The following AP2A1 variants were observed in gnomAD, a reference collection of about 807,000 sequenced individuals.
The protein encoded by AP2A1 is AP-2 complex subunit alpha-1.
A neutral mutation model predicts 107.3 loss-of-function variants in AP2A1; 21 were observed. The ratio of observed to expected loss-of-function variants is 0.20; its 90% CI spans 0.14 to 0.28. The LOEUF (loss-of-function observed/expected upper bound fraction) is 0.28. AP2A1 is among the 10% of genes least tolerant of loss of function. The probability of loss-of-function intolerance (pLI) is 1.00; values close to 1 mark genes in which losing one functional copy is unlikely to be tolerated. For missense variants in AP2A1, 873 were observed against 1,307.7 expected, an observed-to-expected ratio of 0.67 and a Z score of 5.13; for synonymous variants, 602 against 564.8, an observed-to-expected ratio of 1.07 and a Z score of -0.93.
chr19:49,802,097 C>T lies in AP2A1; in HGVS notation c.2070C>T (p.Ala690=), dbSNP rs369688541. Residue 690 remains alanine, a synonymous_variant, in exon 15 of 23, where the codon GCC becomes GCT. Transcript: ENST00000354293. The part of the protein sequence containing the change: ...NLLVDVFDGP[A]AQPSLGPTPE... Reference sequence around the variant, plus strand: ...TGGTGGACGTCTTCGATGGCCCGGCCGCCCAGCCCAGCCTGGGGCCCACCC... The same window carrying T: ...TGGTGGACGTCTTCGATGGCCCGGCTGCCCAGCCCAGCCTGGGGCCCACCC... 1.0e-5 allele frequency: 16 copies of T among 1,591,026 alleles called. No individual in the cohort carries two copies. The highest frequency in any genetic ancestry group is 3.4e-5 in the South Asian group (3 of 89,478).
chr19:49,781,872 G>C, intron 2 of AP2A1, 47 bp downstream of exon 2: 7 of 1,609,824 alleles, frequency 4.3e-6, no homozygotes, highest in Non-Finnish European at 5.9e-6. Flanking sequence ...AGGGGGCTGG[G>C]AGCTGGGGCT....
intron 1 of AP2A1, among the ~76,000 whole-genome samples, chr19:49,772,211 T>C (rs900931236): frequency 2.7e-5 from 4 of 145,804 alleles, no homozygotes; most frequent in African/African-American, 7.5e-5. Context: ...GCACATGCCA[T>C]CATGCCCAGC....
chr19:49,792,895 C>G, intron 5 of AP2A1, 96 bp from the exon 6 acceptor site: 2 of 1,078,278 alleles, frequency 1.9e-6, no homozygotes, highest in Non-Finnish European at 1.4e-6. Context: ...ATCTTCCCGA[C>G]TGCACACACA....
intron 1 of AP2A1, 61 bp downstream of exon 1, chr19:49,767,261 G>C: frequency 6.3e-7 from 1 of 1,587,690 alleles, no homozygotes; most frequent in East Asian, 2.2e-5. Flanking sequence ...AAATTGAGGG[G>C]TTTGGGGATC....
intron 4 of AP2A1, among the ~76,000 whole-genome samples, chr19:49,787,712 A>G (rs989568728): frequency 2.1e-4 from 32 of 151,994 alleles, no homozygotes; most frequent in Admixed American, 1.6e-3. Flanking sequence ...CTGTGCAACA[A>G]CCACTACCAC....
intron 6 of AP2A1, among the ~76,000 whole-genome samples, chr19:49,793,916 TTTTTTTTTTG>T (rs2073178488): frequency 1.4e-5 from 2 of 142,126 alleles, no homozygotes; most frequent in Admixed American, 7.0e-5. Flanking sequence ...TTTTTTTTTT[TTTTTTTTTTG>T]AGACGGAGTC....
chr19:49,776,676 G>T (rs79075745), intron 1 of AP2A1, among the ~76,000 whole-genome samples: 6,214 of 152,064 alleles, frequency 0.041, 195 homozygotes, highest in South Asian at 0.081. Context: ...CATGATCCTG[G>T]TCTGTCAGAG....
rs750294341 is a variant in AP2A1, at chr19:49,806,695, C to A, written c.2805C>A (p.Thr935=). 6.2e-7 allele frequency: 1 copy of A among 1,613,142 alleles called. No homozygotes were observed. Among genetic ancestry groups the A allele is most frequent in the Middle Eastern group, 1.8e-4 (1 of 5,578 alleles). ...PNAQAQMYRL[T]LRTSKEPVSR... ...CCCCCACCCAGATGTACCGGCTGACCCTGCGCACCAGCAAGGAGCCCGTCT... is the reference window on the plus strand; with the variant it reads ...CCCCCACCCAGATGTACCGGCTGACACTGCGCACCAGCAAGGAGCCCGTCT... Residue 935 remains threonine (T), a synonymous_variant, in exon 23 of 23, where the codon ACC becomes ACA. Coordinates refer to ENST00000354293, the MANE Select transcript of AP2A1 (RefSeq NM_130787.3).
In AP2A1 at chr19:49,782,737, G is replaced by A. The variant is rs535958367; in HGVS notation, c.473+13G>A. On this transcript the variant is annotated intron_variant, in intron 4 of 22. Coordinates refer to ENST00000354293, the MANE Select transcript of AP2A1 (RefSeq NM_130787.3). ...TCCTGGTGGCCGGGTAAGGCACTGG[G>A]GACCCGTTGGCAGTGGGGGGCCTGG... The A allele has an allele frequency of 1.3e-4, 203 of 1,585,994 alleles. 3 individuals are homozygous for A. The South Asian group carries it at 2.1e-3, about 16-fold the overall frequency.
chr19:49,771,251 T>C (rs911791193), intron 1 of AP2A1, among the ~76,000 whole-genome samples: 2 of 148,052 alleles, frequency 1.4e-5, no homozygotes, highest in Non-Finnish European at 3.0e-5. Flanking sequence ...GAGGATCATT[T>C]GAACCCAGGA....
Position 49,799,739 on chromosome 19 carries a change from G to A in AP2A1, c.1245G>A (p.Thr415=), listed in dbSNP as rs543455936. 41 of 1,613,466 alleles carry A rather than the reference G, an allele frequency of 2.5e-5. No homozygotes were observed. The highest frequency in any genetic ancestry group is 2.3e-4 in the African/African-American group (17 of 75,064). ...IVSEMLRYLE[T]ADYAIREEIV... ...CGGAGATGCTGCGGTACCTGGAGAC[G>A]GCAGACTACGCCATCCGCGAGGAGA... Residue 415 remains threonine (T), a synonymous_variant, in exon 10 of 23, where the codon ACG becomes ACA. Coordinates refer to ENST00000354293, the MANE Select transcript of AP2A1 (RefSeq NM_130787.3).
At chr19:49,773,431 C>CA (rs1423374973) in intron 1 of AP2A1, among the ~76,000 whole-genome samples, 1 of 152,206 alleles carries the variant, frequency 6.6e-6, no homozygotes, top group Non-Finnish European at 1.5e-5. Context: ...CCCTGGGTCT[C>CA]ACTCCAGCTT....
intron 15 of AP2A1, 31 bp downstream of exon 15, chr19:49,802,172 G>C (rs1278836444): frequency 5.3e-6 from 8 of 1,520,148 alleles, no homozygotes; most frequent in Non-Finnish European, 7.1e-6. Flanking sequence ...GCCCCTTCTC[G>C]CGGCCACCCC....
At chr19:49,801,327 C>A (rs551427400) in intron 12 of AP2A1, 63 bp from the exon 13 acceptor site, 5 of 1,516,624 alleles carry the variant, frequency 3.3e-6, no homozygotes, top group South Asian at 2.3e-5. Context: ...GGGCACCTCT[C>A]GAGGGGGTTT....
chr19:49,767,131 A>G lies in AP2A1; in HGVS notation c.-3A>G, dbSNP rs774648433. The G allele has an allele frequency of 1.2e-6, 2 of 1,611,048 alleles. No individual in the cohort carries two copies. Among genetic ancestry groups the G allele is most frequent in the Admixed American group, 1.7e-5 (1 of 59,974 alleles). ...CAGGCCTGGAGCCGACACCACCGCCATCATGCCGGCCGTGTCCAAGGGCGA... is the reference window on the plus strand; with the variant it reads ...CAGGCCTGGAGCCGACACCACCGCCGTCATGCCGGCCGTGTCCAAGGGCGA... On this transcript the variant is annotated 5_prime_UTR_variant, in exon 1 of 23. Transcript: ENST00000354293.
At chr19:49,802,575 T>G in intron 15 of AP2A1, 1 of 1,588,062 alleles carries the variant, frequency 6.3e-7, no homozygotes, top group South Asian at 1.1e-5. Context: ...ATGGCTTTGC[T>G]GGCTGACCCA....
Position 49,788,909 on chromosome 19 carries a change from C to G in AP2A1, c.474-3026C>G, listed in dbSNP as rs2073107997. 6.6e-6 allele frequency among the ~76,000 whole-genome samples: 1 copy of G among 152,198 alleles called. No individual in the cohort carries two copies. The highest frequency in any genetic ancestry group is 1.5e-5 in the Non-Finnish European group (1 of 68,028). ...TGGGGGCAGCACTGCTGGTCTTGGTCTGCTGCACACACAGCAGTGGCCTTT... is the reference window on the plus strand; with the variant it reads ...TGGGGGCAGCACTGCTGGTCTTGGTGTGCTGCACACACAGCAGTGGCCTTT... On this transcript the variant is annotated intron_variant, in intron 4 of 22. Coordinates refer to ENST00000354293, the MANE Select transcript of AP2A1 (RefSeq NM_130787.3). This position sits in a 1 kb window ranked among gnomAD's most constrained non-coding sequence, Gnocchi z 4.5.
chr19:49,796,763 G>A (rs1386913247), intron 7 of AP2A1: 1 of 152,312 alleles, frequency 6.6e-6, no homozygotes. Context: ...GTGTGTACAT[G>A]TGTATATATC....
intron 4 of AP2A1, among the ~76,000 whole-genome samples, chr19:49,786,594 C>G (rs1308139405): frequency 1.3e-5 from 2 of 152,054 alleles, no homozygotes; most frequent in African/African-American, 4.8e-5. Flanking sequence ...TACGCTCTGG[C>G]AGGGGGGGTG....
Sources: gnomAD v4.1 joint callset for allele counts (sites outside exome capture counted in the v4.1 genomes callset) on GRCh38, gnomAD v4.1.1 for gene constraint, Gnocchi (gnomAD v3.1) non-coding constraint, MANE v1.5 for transcripts, NCBI Gene and HGNC (gene_info 2026-07-23, HGNC 2026-07-21) for gene names.